GDPGP1: variants seen among roughly 807,000 people sequenced by gnomAD.
GDPGP1 encodes the protein GDP-D-glucose phosphorylase 1, also known as GDP-D-glucose phosphorylase C15orf58.
GDPGP1 carries 18 observed loss-of-function variants against 19.2 expected under a neutral mutation model. The observed-to-expected ratio is 0.94, with a 90% CI of 0.65 to 1.39. The LOEUF (loss-of-function observed/expected upper bound fraction) is 1.39, where lower values mean the gene tolerates loss of function less well. GDPGP1 is among the 40% of genes most tolerant of loss of function. GDPGP1 has a pLI of 0.00. For synonymous variants in GDPGP1, 219 were observed against 208.9 expected, an observed-to-expected ratio of 1.05 and a Z score of -0.42; for missense variants, 449 against 490.5, an observed-to-expected ratio of 0.92 and a Z score of 0.80.
At position 90,242,588 on chromosome 15, in the gene GDPGP1, G is replaced by C. The variant is rs1015384777; in HGVS notation, c.*522G>C. The C allele has an allele frequency of 1.3e-5, 2 of 149,826 alleles. No individual in the cohort carries two copies. Among genetic ancestry groups the C allele is most frequent in the African/African-American group, 4.9e-5 (2 of 40,506 alleles). 9.3% of individuals were successfully genotyped at this position (149,826 alleles called of 1,614,324 possible). On this transcript the variant is annotated 3_prime_UTR_variant, in exon 4 of 4. Transcript: ENST00000329600. ...CTCCCGAGTAGCTGGGACTATACAG[G>C]CTCCTGCCACCAAACCCGGCTAATT...
intron 2 of GDPGP1, among the ~76,000 whole-genome samples, chr15:90,235,678 C>T (rs80192284): frequency 0.064 from 9,740 of 151,840 alleles, 827 homozygotes; most frequent in East Asian, 0.38. Context: ...CGCCATTCTT[C>T]TACCTTAGCC....
In GDPGP1 at chr15:90,243,476, A is replaced by C. The variant is rs1567073942; in HGVS notation, c.*1410A>C. ...ACCCTCCCACCTCAGCCCCCTGAGT[A>C]GCTGGGACGATAGGTGTGCACCATC... On this transcript the variant is annotated 3_prime_UTR_variant, in exon 4 of 4. Coordinates refer to ENST00000329600, the MANE Select transcript of GDPGP1 (RefSeq NM_001013657.3). The C allele has an allele frequency of 6.6e-6, 1 of 150,990 alleles. No homozygotes were observed. The highest frequency in any genetic ancestry group is 2.0e-4 in the East Asian group (1 of 5,062). The allele number at this position is 150,990 out of a possible 1,614,324, so 9.4% of individuals were successfully genotyped here.
chr15:90,237,459 T>C (rs1487216922), intron 2 of GDPGP1, among the ~76,000 whole-genome samples: 6 of 151,824 alleles, frequency 4.0e-5, no homozygotes, highest in African/African-American at 1.5e-4. Context: ...CTAATTTTTG[T>C]ATTTTTAGTA....
intron 2 of GDPGP1, among the ~76,000 whole-genome samples, chr15:90,236,708 A>AT (rs976177464): frequency 1.4e-4 from 20 of 147,470 alleles, no homozygotes; most frequent in Admixed American, 8.1e-4. Flanking sequence ...TAATTTTTGT[A>AT]TTTTTTTTTA....
At chr15:90,236,947 T>C (rs1441276056) in intron 2 of GDPGP1, among the ~76,000 whole-genome samples, 2 of 151,754 alleles carry the variant, frequency 1.3e-5, no homozygotes, top group African/African-American at 2.4e-5. Flanking sequence ...GCTGCTGATA[T>C]ACTTTTATTT....
intron 3 of GDPGP1, among the ~76,000 whole-genome samples, chr15:90,239,299 C>T (rs1024263781): frequency 8.2e-6 from 1 of 121,588 alleles, no homozygotes; most frequent in African/African-American, 3.4e-5. Flanking sequence ...CTATATGAGA[C>T]ATAAAATGTG....
chr15:90,238,154 G>C (rs536057905), intron 2 of GDPGP1, among the ~76,000 whole-genome samples: 1 of 152,172 alleles, frequency 6.6e-6, no homozygotes, highest in South Asian at 2.1e-4. Context: ...ACAAACATTA[G>C]CCGGGCGTGG....
chr15:90,240,934 A>C lies in GDPGP1; in HGVS notation c.26A>C (p.Glu9Ala), dbSNP rs150736561. 2.5e-6 allele frequency: 4 copies of C among 1,613,952 alleles called. No homozygotes were observed. The highest frequency in any genetic ancestry group is 3.4e-6 in the Non-Finnish European group (4 of 1,179,910). ...ATGGCTCTTCCACATGATTCAAACG[A>C]AACTTCCTATTTGCTGCCTCCCAAC... is the stretch of plus-strand genomic sequence containing the variant. MALPHDSN[E>A]TSYLLPPNNE... Residue 9 changes from glutamate (E) to alanine (A), a missense_variant, in exon 4 of 4, where the codon GAA becomes GCA. Physicochemically the swap from Glu to Ala is moderately radical, Grantham distance 107. Transcript: ENST00000329600.
At chr15:90,239,675 A>G (rs539903296) in intron 3 of GDPGP1, among the ~76,000 whole-genome samples, 13 of 152,316 alleles carry the variant, frequency 8.5e-5, no homozygotes, top group African/African-American at 3.1e-4. Context: ...ACAAGATGAA[A>G]TTTGGGTGGA....
At chr15:90,235,320 C>G (rs1320494963) in intron 2 of GDPGP1, among the ~76,000 whole-genome samples, 1 of 152,174 alleles carries the variant, frequency 6.6e-6, no homozygotes, top group Non-Finnish European at 1.5e-5. Context: ...AATCTCAGCA[C>G]TTTGGGAGGC....
chr15:90,241,447 G>T lies in GDPGP1; in HGVS notation c.539G>T (p.Arg180Leu), dbSNP rs557009666. 2.5e-6 allele frequency: 4 copies of T among 1,613,470 alleles called. No homozygotes were observed. The highest frequency in any genetic ancestry group is 1.1e-5 in the South Asian group (1 of 91,070). Residue 180 changes from arginine to leucine, a missense_variant, in exon 4 of 4, where the codon CGC (arginine) becomes CTC (leucine). Physicochemically the swap from Arg to Leu is moderately radical, Grantham distance 102. Transcript: ENST00000329600. ...GAGCCTGCCCGCCAGCTCCCCCAGCGCCTGCTGCCGGGTGCACTGAGGGCA... is the reference window on the plus strand; with the variant it reads ...GAGCCTGCCCGCCAGCTCCCCCAGCTCCTGCTGCCGGGTGCACTGAGGGCA... ...VPEPARQLPQ[R>L]LLPGALRAGI...
In GDPGP1 at chr15:90,237,189, G is replaced by T. The variant is rs181765110; in HGVS notation, c.-66-1303G>T. ...TTGGCCAGGCTGGTCTCGAACTCCTGACCTCGTGATCCACCCACCTTGGCC... is the reference window on the plus strand; with the variant it reads ...TTGGCCAGGCTGGTCTCGAACTCCTTACCTCGTGATCCACCCACCTTGGCC... On this transcript the variant is annotated intron_variant, in intron 2 of 3. Coordinates refer to ENST00000329600, the MANE Select transcript of GDPGP1 (RefSeq NM_001013657.3). Among the ~76,000 whole-genome samples the T allele has an allele frequency of 3.2e-3, 493 of 151,996 alleles. 4 individuals are homozygous for T. The highest frequency in any genetic ancestry group is 0.012 in the African/African-American group (484 of 41,454).
At chr15:90,238,190 C>T (rs1444422355) in intron 2 of GDPGP1, among the ~76,000 whole-genome samples, 1 of 152,158 alleles carries the variant, frequency 6.6e-6, no homozygotes, top group Non-Finnish European at 1.5e-5. Flanking sequence ...GTCCCAGCTA[C>T]TCAGGAGGCT....
At position 90,241,940 on chromosome 15, in the gene GDPGP1, C is replaced by A. The variant is rs1490817315; in HGVS notation, c.1032C>A (p.Ser344=). ...ELAGHLPVKT[S]QDFSSLTEAA... ...CTGGGCACCTCCCTGTCAAAACATCCCAGGACTTCAGCAGCCTGACAGAGG... is the reference window on the plus strand; with the variant it reads ...CTGGGCACCTCCCTGTCAAAACATCACAGGACTTCAGCAGCCTGACAGAGG... Residue 344 remains serine, a synonymous_variant, in exon 4 of 4, where the codon TCC becomes TCA. Coordinates refer to ENST00000329600, the MANE Select transcript of GDPGP1 (RefSeq NM_001013657.3). 1 of 1,614,128 alleles carries A rather than the reference C, an allele frequency of 6.2e-7. No homozygotes were observed. The highest frequency in any genetic ancestry group is 8.5e-7 in the Non-Finnish European group (1 of 1,180,022).
chr15:90,235,675 C>G (rs1962619632), intron 2 of GDPGP1, among the ~76,000 whole-genome samples: 1 of 151,836 alleles, frequency 6.6e-6, no homozygotes, highest in Non-Finnish European at 1.5e-5. Flanking sequence ...TCACGCCATT[C>G]TTCTACCTTA....
chr15:90,239,714 A>G (rs1962709919), intron 3 of GDPGP1, among the ~76,000 whole-genome samples: 1 of 152,194 alleles, frequency 6.6e-6, no homozygotes, highest in Admixed American at 6.5e-5. Context: ...CTATCTATCT[A>G]TCTATTTTTT....
Position 90,242,245 on chromosome 15 carries a change from A to G in GDPGP1, c.*179A>G, listed in dbSNP as rs914352068. The G allele has an allele frequency of 7.4e-5, 24 of 324,560 alleles. No individual in the cohort carries two copies. The highest frequency in any genetic ancestry group is 5.9e-4 in the African/African-American group (22 of 37,074). The allele number at this position is 324,560 out of a possible 1,614,324, so 20.1% of individuals were successfully genotyped here. A position where few individuals can be genotyped will look rare whatever the true frequency, so the allele number is the denominator to read the frequency against. On this transcript the variant is annotated 3_prime_UTR_variant, in exon 4 of 4. Transcript: ENST00000329600. ...TGAGACTATAGGCGTGCACCACCAC[A>G]CACCTGGCTTTTTTTTTTTTTTTTT...
At chr15:90,235,125 C>T (rs1962604748) in intron 2 of GDPGP1, among the ~76,000 whole-genome samples, 1 of 152,148 alleles carries the variant, frequency 6.6e-6, no homozygotes, top group South Asian at 2.1e-4. Context: ...GCCCTCAGTC[C>T]CTCTTCCATC....
chr15:90,235,158 T>C (rs7342665), intron 2 of GDPGP1, among the ~76,000 whole-genome samples: 24,266 of 152,210 alleles, frequency 0.16, 2,098 homozygotes, highest in African/African-American at 0.21. Flanking sequence ...AAGCCTTTCC[T>C]GACTCCCTAG....
Sources: allele counts gnomAD v4.1 joint callset (sites outside exome capture counted in the v4.1 genomes callset), GRCh38; gene constraint gnomAD v4.1.1; transcripts MANE v1.5; gene names NCBI Gene and HGNC (gene_info 2026-07-23, HGNC 2026-07-21).